The following CORO2B variants were observed in gnomAD, a reference collection of about 807,000 sequenced individuals.
CORO2B encodes the protein coronin-2B.
A neutral mutation model predicts 58.8 loss-of-function variants in CORO2B; 26 were observed. That is an observed-to-expected ratio of 0.44 (90% CI 0.32 to 0.61). The LOEUF is 0.61. Among genes scored for constraint, CORO2B ranks in the 20% least tolerant of loss-of-function variants. The pLI is 0.04. For missense variants in CORO2B, 460 were observed against 645.1 expected, an observed-to-expected ratio of 0.71 and a Z score of 3.11; for synonymous variants, 242 against 253.8, an observed-to-expected ratio of 0.95 and a Z score of 0.44.
intron 1 of CORO2B, among the ~76,000 whole-genome samples, chr15:68,603,546 G>T (rs1900035001): frequency 6.6e-6 from 1 of 152,056 alleles, no homozygotes; most frequent in South Asian, 2.1e-4. Context: ...ATATGTTGAA[G>T]CCCTAACCCC....
At chr15:68,572,798 G>A in the CORO2B span, among the ~76,000 whole-genome samples, 2 of 152,174 alleles carry the variant, frequency 1.3e-5, no homozygotes, top group Admixed American at 6.5e-5. Flanking sequence ...GAAAAGGCTG[G>A]AAATCTGGTT....
intron 2 of CORO2B, among the ~76,000 whole-genome samples, chr15:68,674,419 G>A (rs895618962): frequency 2.6e-5 from 4 of 152,248 alleles, no homozygotes; most frequent in Non-Finnish European, 4.4e-5. Context: ...TGCCCCAGGT[G>A]ATTGTGTGCC....
chr15:68,614,688 G>C (rs1018774059), intron 1 of CORO2B, among the ~76,000 whole-genome samples: 1 of 152,190 alleles, frequency 6.6e-6, no homozygotes, highest in Non-Finnish European at 1.5e-5. Context: ...AGGACTCCCG[G>C]GAGCCCTCTG....
chr15:68,631,821 G>A (rs1000201538), intron 1 of CORO2B, among the ~76,000 whole-genome samples: 2 of 152,220 alleles, frequency 1.3e-5, no homozygotes, highest in Non-Finnish European at 2.9e-5. Context: ...CTACACCAGA[G>A]AAGGTGCTGA....
the CORO2B span, among the ~76,000 whole-genome samples, chr15:68,568,358 C>G: frequency 6.6e-6 from 1 of 152,124 alleles, no homozygotes; most frequent in Non-Finnish European, 1.5e-5. Context: ...TATAGAGTGC[C>G]TAACACAGTG....
intron 1 of CORO2B, among the ~76,000 whole-genome samples, chr15:68,602,694 T>C (rs1210949985): frequency 2.7e-5 from 4 of 150,484 alleles, no homozygotes; most frequent in Non-Finnish European, 6.0e-5. Context: ...GAGGTAGGGA[T>C]GATAGATGTG....
chr15:68,709,484 CAG>C (rs1328111410), intron 3 of CORO2B, among the ~76,000 whole-genome samples: 8 of 112,060 alleles, frequency 7.1e-5, no homozygotes, highest in African/African-American at 2.8e-4. Context: ...TTTTTTTAGA[CAG>C]AGTCTTGCTG....
chr15:68,545,636 G>C, the CORO2B span, among the ~76,000 whole-genome samples: 1 of 151,768 alleles, frequency 6.6e-6, no homozygotes, highest in African/African-American at 2.4e-5. Flanking sequence ...CTGGGCGAGG[G>C]GGACTGGGCA....
chr15:68,611,655 T>C (rs1423378403), intron 1 of CORO2B, among the ~76,000 whole-genome samples: 1 of 152,232 alleles, frequency 6.6e-6, no homozygotes, highest in Non-Finnish European at 1.5e-5. Context: ...TATTAAGATA[T>C]GGAATGTGCT....
rs966878370 is a variant in CORO2B at position 68,595,606 on chromosome 15, G to C, written c.15+16329G>C. Reference sequence around the variant, plus strand: ...GCTCTGTGACTGGCTTGGTCTTCCTGTTTCCCATGGTGGACTTCATGAGTG... The same window carrying C: ...GCTCTGTGACTGGCTTGGTCTTCCTCTTTCCCATGGTGGACTTCATGAGTG... On this transcript the variant is annotated intron_variant, in intron 1 of 11. Coordinates refer to ENST00000261861, the MANE Select transcript of CORO2B (RefSeq NM_006091.5). Among the ~76,000 whole-genome samples, 6 of 152,178 alleles carry C rather than the reference G, an allele frequency of 3.9e-5. No individual in the cohort carries two copies. In the South Asian group the frequency reaches 1.0e-3, roughly 26 times the overall value.
chr15:68,537,261 C>T, the CORO2B span, among the ~76,000 whole-genome samples: 2 of 152,138 alleles, frequency 1.3e-5, no homozygotes, highest in Non-Finnish European at 2.9e-5. Flanking sequence ...ACTACATTTC[C>T]CAGAGTTCCC....
At chr15:68,546,406 A>G in the CORO2B span, among the ~76,000 whole-genome samples, 24 of 152,314 alleles carry the variant, frequency 1.6e-4, no homozygotes, top group African/African-American at 5.5e-4. Flanking sequence ...AGCTACCGCA[A>G]GGGATTCCAA....
chr15:68,683,895 G>A (rs1163820171), intron 2 of CORO2B, among the ~76,000 whole-genome samples: 1 of 152,202 alleles, frequency 6.6e-6, no homozygotes, highest in East Asian at 1.9e-4. Context: ...ATGGGCAGTA[G>A]ACTGAGGGAG....
intron 2 of CORO2B, among the ~76,000 whole-genome samples, chr15:68,656,313 C>T (rs533448791): frequency 3.9e-5 from 6 of 152,058 alleles, no homozygotes; most frequent in African/African-American, 1.4e-4. Context: ...CATCACATAG[C>T]ACTTCTTGTC....
rs576049195 is a variant in CORO2B at position 68,639,779 on chromosome 15, TTCAAAACCAATCTTGAAAACCAATC to T, written c.16-5369_16-5345del. ...TAAGAAAGTCCTTTCTTTTACAGAGTTCAAAACCAATCTTGAAAACCAATCTCAAAACCAATATGTCCCAGTCTTG... is the reference window on the plus strand; with the variant it reads ...TAAGAAAGTCCTTTCTTTTACAGAGTTCAAAACCAATATGTCCCAGTCTTG... On this transcript the variant is annotated intron_variant, in intron 1 of 11. Coordinates refer to ENST00000261861, the MANE Select transcript of CORO2B (RefSeq NM_006091.5). Among the ~76,000 whole-genome samples the T allele has an allele frequency of 2.0e-3, 304 of 152,166 alleles. 1 individual carries two copies. The highest frequency in any genetic ancestry group is 7.0e-3 in the African/African-American group (292 of 41,508).
Position 68,710,809 on chromosome 15 carries a change from C to T in CORO2B, c.411C>T (p.Ser137=). 1.9e-6 allele frequency: 3 copies of T among 1,612,274 alleles called. No individual in the cohort carries two copies. The highest frequency in any genetic ancestry group is 2.5e-6 in the Non-Finnish European group (3 of 1,179,364). ...CGCTCCTGGAGCTGCACGGGCACAG[C>T]CGGCGTGTGGGGCTGGTCGAGTGGC... is the stretch of plus-strand genomic sequence containing the variant. The part of the protein sequence containing the change: ...TEALLELHGH[S]RRVGLVEWHP... The change falls in exon 4 of 12, where the codon AGC becomes AGT. Residue 137 remains serine, a synonymous_variant. Transcript: ENST00000261861. The surrounding 1 kb of genome is among the most constrained non-coding windows in gnomAD (Gnocchi z 4.1).
the CORO2B span, among the ~76,000 whole-genome samples, chr15:68,561,106 A>G: frequency 1.3e-5 from 2 of 152,074 alleles, no homozygotes; most frequent in East Asian, 3.9e-4. Flanking sequence ...CTCCCAGCAC[A>G]ACTTTGCCTC....
chr15:68,701,439 G>C (rs369691051), intron 3 of CORO2B, among the ~76,000 whole-genome samples: 4 of 147,342 alleles, frequency 2.7e-5, no homozygotes, highest in African/African-American at 1.0e-4. Flanking sequence ...AGCCTCCTGA[G>C]AAGCTGGGAC....
chr15:68,577,093 C>T (rs953057209), upstream of CORO2B, among the ~76,000 whole-genome samples: 1 of 152,126 alleles, frequency 6.6e-6, no homozygotes, highest in African/African-American at 2.4e-5. Context: ...AAGGGTTTTG[C>T]ACAGAGGAGA....
Sources: allele counts gnomAD v4.1 joint callset (sites outside exome capture counted in the v4.1 genomes callset), GRCh38; gene constraint gnomAD v4.1.1; non-coding constraint Gnocchi (gnomAD v3.1); transcripts MANE v1.5; gene names NCBI Gene and HGNC (gene_info 2026-07-23, HGNC 2026-07-21).